ATP2A3: variants seen among roughly 807,000 people sequenced by gnomAD.
ATP2A3 encodes ATPase sarcoplasmic/endoplasmic reticulum Ca2+ transporting 3.
Under a neutral mutation model 106.8 loss-of-function variants are expected in ATP2A3, and 61 were observed. That is an observed-to-expected ratio of 0.57 (90% CI 0.46 to 0.71). The LOEUF is 0.71. Among genes scored for constraint, ATP2A3 ranks in the 30% least tolerant of loss-of-function variants. The pLI, the probability that ATP2A3 is intolerant of heterozygous loss-of-function variation, is 0.00. For synonymous variants in ATP2A3, 611 were observed against 609.3 expected, an observed-to-expected ratio of 1.00 and a Z score of -0.04; for missense variants, 1,201 against 1,423.5, an observed-to-expected ratio of 0.84 and a Z score of 2.52.
At chr17:3,961,224 T>C (rs1342000814) in intron 1 of ATP2A3, among the ~76,000 whole-genome samples, 6 of 152,218 alleles carry the variant, frequency 3.9e-5, no homozygotes, top group African/African-American at 7.2e-5. Context: ...GAGAATTTAC[T>C]GTATACCTTT....
At chr17:3,954,497 AT>A (rs3048772) in intron 1 of ATP2A3, among the ~76,000 whole-genome samples, 35,227 of 129,662 alleles carry the variant, frequency 0.27, 4,707 homozygotes, top group Middle Eastern at 0.38. Flanking sequence ...TGAGGTGCTG[AT>A]TTTTTTTTTT....
intron 7 of ATP2A3, among the ~76,000 whole-genome samples, chr17:3,948,494 C>T (rs1229466690): frequency 6.6e-6 from 1 of 152,216 alleles, no homozygotes; most frequent in Non-Finnish European, 1.5e-5. Flanking sequence ...CTGTCTTAAG[C>T]AACGTAGCTC....
chr17:3,950,794 G>C lies in ATP2A3; in HGVS notation c.464-21C>G, dbSNP rs750922474. The C allele has an allele frequency of 9.3e-6, 15 of 1,610,226 alleles. No homozygotes were observed. In the Admixed American group the frequency reaches 2.3e-4, roughly 25 times the overall value. On this transcript the variant is annotated intron_variant, in intron 5 of 20. Transcript: ENST00000397041. ...CCCCACTGTGCGGGGAGAATGGCTT[G>C]GCTGAGGGTGGCTTTGGGCACCACC... is the stretch of plus-strand genomic sequence containing the variant.
rs1358022607 is a variant in ATP2A3 at position 3,929,051 on chromosome 17, G to A, written c.2863-271C>T. On this transcript the variant is annotated intron_variant, in intron 19 of 20. Coordinates refer to ENST00000397041, the MANE Select transcript of ATP2A3 (RefSeq NM_005173.4). This position sits in a 1 kb window ranked among gnomAD's most constrained non-coding sequence, Gnocchi z 4.3. ...CACTGGGTCAACTCCCATCCATCCTGTTGGGAGGCGGGAGGATTCTGCCCT... is the reference window on the plus strand; with the variant it reads ...CACTGGGTCAACTCCCATCCATCCTATTGGGAGGCGGGAGGATTCTGCCCT... Among the ~76,000 whole-genome samples, 2 of 152,156 alleles carry A rather than the reference G, an allele frequency of 1.3e-5. No homozygotes were observed. Among genetic ancestry groups the A allele is most frequent in the African/African-American group, 4.8e-5 (2 of 41,428 alleles).
At chr17:3,932,848 C>T (rs909272147) in intron 17 of ATP2A3, among the ~76,000 whole-genome samples, 3 of 151,784 alleles carry the variant, frequency 2.0e-5, no homozygotes, top group Non-Finnish European at 4.4e-5. Flanking sequence ...CCACTGTTGT[C>T]GGGCCTCACC....
intron 4 of ATP2A3, 34 bp downstream of exon 4, chr17:3,951,547 C>T (rs1464618034): frequency 1.7e-5 from 23 of 1,338,858 alleles, no homozygotes; most frequent in Non-Finnish European, 2.3e-5. Context: ...TGGGAGACCG[C>T]CCCCCGCCCG....
Position 3,928,241 on chromosome 17 carries a change from C to T in ATP2A3, c.2980+422G>A, listed in dbSNP as rs143224362. On this transcript the variant is annotated intron_variant, in intron 20 of 20. Transcript: ENST00000397041. This position sits in a 1 kb window ranked among gnomAD's most constrained non-coding sequence, Gnocchi z 6.1. ...CAAGGTGATACCAAAGAGGCCAACC[C>T]GGTGTGGTCTGGGGTCCAAGAGGTG... 16 of 1,613,630 alleles carry T rather than the reference C, an allele frequency of 9.9e-6. No individual in the cohort carries two copies. The highest frequency in any genetic ancestry group is 1.7e-5 in the Admixed American group (1 of 60,030).
rs560255506 is a variant in ATP2A3, at chr17:3,947,675, C to A, written c.811G>T (p.Val271Leu). The A allele has an allele frequency of 2.0e-5, 33 of 1,612,112 alleles. No homozygotes were observed. The highest frequency in any genetic ancestry group is 8.3e-5 in the Admixed American group (5 of 60,014). ...AAGTGGCCGATGTTGATGACCCACACGGCCACGCAGATCACAGAGATGGCG... is the reference window on the plus strand; with the variant it reads ...AAGTGGCCGATGTTGATGACCCACAAGGCCACGCAGATCACAGAGATGGCG... ...SHAISVICVA[V>L]WVINIGHFAD... Residue 271 changes from valine to leucine, a missense_variant, in exon 8 of 21, where the codon GTG becomes TTG. Coordinates refer to ENST00000397041, the MANE Select transcript of ATP2A3 (RefSeq NM_005173.4). This position sits in a 1 kb window ranked among gnomAD's most constrained non-coding sequence, Gnocchi z 7.7.
chr17:3,936,271 G>A lies in ATP2A3; in HGVS notation c.2520C>T (p.Ile840=), dbSNP rs144920841. 67 of 1,613,860 alleles carry A rather than the reference G, an allele frequency of 4.2e-5. No homozygotes were observed. Among genetic ancestry groups the A allele is most frequent in the African/African-American group, 2.8e-4 (21 of 75,002 alleles). Residue 840 remains isoleucine (I), a synonymous_variant, in exon 16 of 21, where the codon ATC becomes ATT. Transcript: ENST00000397041. The surrounding 1 kb of genome is among the most constrained non-coding windows in gnomAD (Gnocchi z 5.4). The part of the protein sequence containing the change: ...SGWLFFRYLA[I]GVYVGLATVA... Reference sequence around the variant, plus strand: ...GAGGGCTCAGGCCCCACTCACCTCCGATAGCCAGGTATCGGAAGAAGAGCC... The same window carrying A: ...GAGGGCTCAGGCCCCACTCACCTCCAATAGCCAGGTATCGGAAGAAGAGCC...
At chr17:3,945,507 T>C (rs1195801076) in intron 8 of ATP2A3, 2 of 203,568 alleles carry the variant, frequency 9.8e-6, no homozygotes, top group Non-Finnish European at 2.0e-5. Context: ...TAGCTGAGCC[T>C]CAGTTTCTCC....
At chr17:3,951,905 G>A (rs749340261) in intron 3 of ATP2A3, among the ~76,000 whole-genome samples, 1 of 152,060 alleles carries the variant, frequency 6.6e-6, no homozygotes, top group Non-Finnish European at 1.5e-5. Flanking sequence ...AAGGCTGTGG[G>A]GCAGTTGGAT....
chr17:3,956,388 G>C (rs988678207), intron 1 of ATP2A3, among the ~76,000 whole-genome samples: 1 of 152,200 alleles, frequency 6.6e-6, no homozygotes, highest in African/African-American at 2.4e-5. Flanking sequence ...TGCCAGGTTG[G>C]AGCATTGACT....
chr17:3,946,355 C>T (rs1255304864), intron 8 of ATP2A3, among the ~76,000 whole-genome samples: 1 of 151,930 alleles, frequency 6.6e-6, no homozygotes, highest in Non-Finnish European at 1.5e-5. Context: ...AGTTATAGAC[C>T]AGCCTGGCCA....
rs1323902858 is a variant in ATP2A3, at chr17:3,925,054, G to C, written c.*368C>G. 3 of 464,966 alleles carry C rather than the reference G, an allele frequency of 6.5e-6. No homozygotes were observed. Among genetic ancestry groups the C allele is most frequent in the African/African-American group, 2.0e-5 (1 of 50,734 alleles). 28.8% of individuals were successfully genotyped at this position (464,966 alleles called of 1,614,324 possible). A position where few individuals can be genotyped will look rare whatever the true frequency, so the allele number is the denominator to read the frequency against. On this transcript the variant is annotated 3_prime_UTR_variant, in exon 21 of 21. Coordinates refer to ENST00000397041, the MANE Select transcript of ATP2A3 (RefSeq NM_005173.4). This position sits in a 1 kb window ranked among gnomAD's most constrained non-coding sequence, Gnocchi z 4.2. ...GAACGTCCAGCTTCCGAACAAGGGG[G>C]AGCAAGCTCCAGCTGCACTCGTGAT...
intron 12 of ATP2A3, 101 bp from the exon 13 acceptor site, chr17:3,941,755 G>C: frequency 7.9e-7 from 1 of 1,266,456 alleles, no homozygotes; most frequent in Non-Finnish European, 1.1e-6. Context: ...ACGGGCAAAG[G>C]CCACCCAAGG....
Position 3,947,901 on chromosome 17 carries a change from G to A in ATP2A3, c.631-46C>T. On this transcript the variant is annotated intron_variant, in intron 7 of 20. Transcript: ENST00000397041. The surrounding 1 kb of genome is among the most constrained non-coding windows in gnomAD (Gnocchi z 7.7). ...GAAAAAGCTGCTCAGCAGCCAACCA[G>A]GGGCCCAGGACCCCTGACTCCTTCA... The A allele has an allele frequency of 6.3e-7, 1 of 1,583,448 alleles. No individual in the cohort carries two copies. Among genetic ancestry groups the A allele is most frequent in the Non-Finnish European group, 8.6e-7 (1 of 1,167,854 alleles).
chr17:3,954,062 C>T (rs2144686248), intron 1 of ATP2A3, among the ~76,000 whole-genome samples: 1 of 152,192 alleles, frequency 6.6e-6, no homozygotes. Flanking sequence ...TTCCCCCACC[C>T]AGGTCACACG....
chr17:3,937,459 ATTGC>A lies in ATP2A3; in HGVS notation c.2274_2277del (p.Lys758AsnfsTer29). On this transcript the variant is annotated frameshift_variant, in exon 15 of 21. Transcript: ENST00000397041. LOFTEE classifies it high-confidence loss of function. ...TTGGAGGAGATGAGGTAGCGGATGA[ATTGC>A]TTCATGTTGCTGTAGATGGCCCGGC... 6.2e-7 allele frequency: 1 copy of A among 1,612,854 alleles called. No homozygotes were observed. Among genetic ancestry groups the A allele is most frequent in the Non-Finnish European group, 8.5e-7 (1 of 1,179,146 alleles).
At position 3,958,873 on chromosome 17, in the gene ATP2A3, C is replaced by G. The variant is rs192193504; in HGVS notation, c.119-5163G>C. Among the ~76,000 whole-genome samples, 2 of 93,058 alleles carry G rather than the reference C, an allele frequency of 2.1e-5. 1 individual carries two copies. The highest frequency in any genetic ancestry group is 4.1e-5 in the Non-Finnish European group (2 of 48,218). 61.0% of individuals were successfully genotyped at this position (93,058 alleles called of 152,430 possible). A position where few individuals can be genotyped will look rare whatever the true frequency, so the allele number is the denominator to read the frequency against. The stretch of plus-strand genomic sequence containing the variant: ...AAATATATATATATATATATATACA[C>G]ACACACACACACACATATATATATA... On this transcript the variant is annotated intron_variant, in intron 1 of 20. Coordinates refer to ENST00000397041, the MANE Select transcript of ATP2A3 (RefSeq NM_005173.4).
Sources: allele counts gnomAD v4.1 joint callset (sites outside exome capture counted in the v4.1 genomes callset), GRCh38; gene constraint gnomAD v4.1.1; non-coding constraint Gnocchi (gnomAD v3.1); transcripts MANE v1.5; gene names NCBI Gene and HGNC (gene_info 2026-07-23, HGNC 2026-07-21).